SUV39H1: variants seen among roughly 807,000 people sequenced by gnomAD.
The protein encoded by SUV39H1 is histone-lysine N-methyltransferase SUV39H1.
For synonymous variants in SUV39H1, 141 were observed against 150.5 expected, an observed-to-expected ratio of 0.94 and a Z score of 0.46; for missense variants, 180 against 386.3, an observed-to-expected ratio of 0.47 and a Z score of 4.48.
rs2062470004 is a variant in SUV39H1 at position 48,700,262 on chromosome X, A to G, written c.337A>G (p.Ser113Gly). The change falls in exon 3 of 6, where the codon AGC becomes GGC. Residue 113 changes from serine (S) to glycine (G), a missense_variant. Coordinates refer to ENST00000376687, the MANE Select transcript of SUV39H1 (RefSeq NM_003173.4). Reference sequence around the variant, plus strand: ...AAAGACCCCCCGGCACCTGGACCCAAGCTTGGCCAACTACCTGGTGCAGAA... The same window carrying G: ...AAAGACCCCCCGGCACCTGGACCCAGGCTTGGCCAACTACCTGGTGCAGAA... Reference protein sequence around the residue: ...RSKTPRHLDPSLANYLVQKAK... With the variant: ...RSKTPRHLDPGLANYLVQKAK... 1 of 1,206,942 alleles carries G rather than the reference A, an allele frequency of 8.3e-7. No individual in the cohort carries two copies. Among genetic ancestry groups the G allele is most frequent in the Admixed American group, 2.2e-5 (1 of 45,636 alleles).
intron 3 of SUV39H1, 98 bp from the exon 4 acceptor site, chrX:48,706,167 G>A: frequency 1.9e-6 from 2 of 1,072,945 alleles, no homozygotes; most frequent in South Asian, 4.3e-5. Context: ...CCACGGGCAG[G>A]GGTGCCTCCT....
At chrX:48,702,320 T>C (rs1465818444) in intron 3 of SUV39H1, among the ~76,000 whole-genome samples, 4 of 111,952 alleles carry the variant, frequency 3.6e-5, no homozygotes, top group Non-Finnish European at 7.5e-5. Context: ...CTAGAGGACC[T>C]GGTGGTCTGA....
chrX:48,701,272 C>T (rs1424697760), intron 3 of SUV39H1, among the ~76,000 whole-genome samples: 5 of 112,030 alleles, frequency 4.5e-5, no homozygotes, highest in South Asian at 7.4e-4. Flanking sequence ...TGGGGAAGGC[C>T]GAGTGTATTA....
At chrX:48,696,120 G>T (rs782775192), upstream of SUV39H1, among the ~76,000 whole-genome samples, 1 of 113,135 alleles carries the variant, frequency 8.8e-6, no homozygotes, top group Non-Finnish European at 1.9e-5. Context: ...GAGAATCGCA[G>T]CTGGTCCCAG....
At chrX:48,704,555 T>C (rs1206859583) in intron 3 of SUV39H1, among the ~76,000 whole-genome samples, 1 of 111,613 alleles carries the variant, frequency 9.0e-6, no homozygotes, top group African/African-American at 3.3e-5. Flanking sequence ...AGGAAGACTG[T>C]TCTCCAGGAG....
intron 3 of SUV39H1, 189 bp downstream of exon 3, chrX:48,700,942 G>A: frequency 1.9e-6 from 1 of 532,892 alleles, no homozygotes; most frequent in South Asian, 2.5e-5. Context: ...CACCAGCATG[G>A]CCATGCTGGT....
In SUV39H1 at chrX:48,706,430, C is replaced by T. The variant is rs782817837; in HGVS notation, c.975+19C>T. ...CCACAGTGTGGGTACCCCCGGCAGG[C>T]GGGCAAGGGGTCGAGAGGGGCAGGC... On this transcript the variant is annotated intron_variant, in intron 4 of 5. Transcript: ENST00000376687. The T allele has an allele frequency of 3.5e-5, 42 of 1,204,086 alleles. No homozygotes were observed. The highest frequency in any genetic ancestry group is 1.6e-4 in the South Asian group (9 of 55,640).
intron 1 of SUV39H1, among the ~76,000 whole-genome samples, chrX:48,698,323 G>A (rs2062463069): frequency 8.9e-6 from 1 of 111,827 alleles, no homozygotes; most frequent in Non-Finnish European, 1.9e-5. Context: ...CCCTGGCCAC[G>A]CTGGGGGTGT....
chrX:48,696,662 G>T, upstream of SUV39H1: 1 of 957,606 alleles, frequency 1.0e-6, no homozygotes, highest in Non-Finnish European at 1.4e-6. Flanking sequence ...CTCTCCGGTT[G>T]GTCCGCGCGG....
intron 1 of SUV39H1, among the ~76,000 whole-genome samples, chrX:48,697,536 GA>G (rs2062460676): frequency 9.0e-6 from 1 of 111,478 alleles, no homozygotes; most frequent in Non-Finnish European, 1.9e-5. Flanking sequence ...GCAAGTGAAG[GA>G]AGGGGTTTGC....
At chrX:48,696,483 T>G, upstream of SUV39H1, 1 of 251,741 alleles carries the variant, frequency 4.0e-6, no homozygotes, top group Non-Finnish European at 7.1e-6. Flanking sequence ...GATAACGTGA[T>G]TGGCTAGCAG....
chrX:48,704,533 G>A (rs782598136), intron 3 of SUV39H1, among the ~76,000 whole-genome samples: 10 of 111,571 alleles, frequency 9.0e-5, no homozygotes, highest in Non-Finnish European at 7.6e-5. Flanking sequence ...ATCTGTTTGA[G>A]CTGATGCCAC....
upstream of SUV39H1, among the ~76,000 whole-genome samples, chrX:48,696,371 C>G (rs998990685): frequency 8.9e-6 from 1 of 112,080 alleles, no homozygotes; most frequent in African/African-American, 3.2e-5. Context: ...GGCACTAGTC[C>G]ACCTGGGAGC....
chrX:48,706,647 G>C lies in SUV39H1; in HGVS notation c.1105+20G>C. 1 of 1,187,795 alleles carries C rather than the reference G, an allele frequency of 8.4e-7. No individual in the cohort carries two copies. Among genetic ancestry groups the C allele is most frequent in the Non-Finnish European group, 1.1e-6 (1 of 880,757 alleles). On this transcript the variant is annotated intron_variant, in intron 5 of 5. Transcript: ENST00000376687. ...TGCAAGGTGGGGGTGGCAAGGGACT[G>C]GGGGCAGGGGCGCACTGTGACTTGG...
chrX:48,695,796 C>T (rs782015722), upstream of SUV39H1: 1,114 of 1,154,697 alleles, frequency 9.6e-4, no homozygotes, highest in Middle Eastern at 2.3e-3. Flanking sequence ...AGCTTCAACG[C>T]ATCAGAGGAG....
At chrX:48,706,779 A>ACTACTAGACCCCTG in intron 5 of SUV39H1, 152 bp downstream of exon 5, 1 of 699,589 alleles carries the variant, frequency 1.4e-6, no homozygotes, top group Non-Finnish European at 2.1e-6. Flanking sequence ...CCCCATTCGG[A>ACTACTAGACCCCTG]CTACTAGACC....
chrX:48,696,768 G>A lies in SUV39H1; in HGVS notation c.-17G>A. 1 of 1,140,625 alleles carries A rather than the reference G, an allele frequency of 8.8e-7. No individual in the cohort carries two copies. Among genetic ancestry groups the A allele is most frequent in the East Asian group, 3.6e-5 (1 of 27,484 alleles). 94.0% of individuals were successfully genotyped at this position (1,140,625 alleles called of 1,213,427 possible). A position where few individuals can be genotyped will look rare whatever the true frequency, so the allele number is the denominator to read the frequency against. On this transcript the variant is annotated 5_prime_UTR_variant, in exon 1 of 6. Coordinates refer to ENST00000376687, the MANE Select transcript of SUV39H1 (RefSeq NM_003173.4). ...GCGAGGCCGGCTAGGCCCGAATGTC[G>A]TTAGCCGTGGGGAAAGATGGCGGAA... is the stretch of plus-strand genomic sequence containing the variant.
intron 3 of SUV39H1, 113 bp from the exon 4 acceptor site, chrX:48,706,152 T>G (rs2062490203): frequency 1.0e-6 from 1 of 979,680 alleles, no homozygotes; most frequent in African/African-American, 1.9e-5. Flanking sequence ...ACTGCCCATG[T>G]GTGTCCACGG....
chrX:48,706,249 A>G lies in SUV39H1; in HGVS notation c.829-16A>G, dbSNP rs1557010114. 1.7e-6 allele frequency: 2 copies of G among 1,205,434 alleles called. No homozygotes were observed. The highest frequency in any genetic ancestry group is 1.8e-5 in the South Asian group (1 of 55,882). On this transcript the variant is annotated splice_polypyrimidine_tract_variant and intron_variant, in intron 3 of 5. Coordinates refer to ENST00000376687, the MANE Select transcript of SUV39H1 (RefSeq NM_003173.4). Reference sequence around the variant, plus strand: ...CTTCGCGGCCAATCTCCCCTTACCCATGGCCCTTTCCCTAGATCATTACCT... The same window carrying G: ...CTTCGCGGCCAATCTCCCCTTACCCGTGGCCCTTTCCCTAGATCATTACCT...
Sources: gnomAD v4.1 joint callset for allele counts (sites outside exome capture counted in the v4.1 genomes callset) on GRCh38, gnomAD v4.1.1 for gene constraint, MANE v1.5 for transcripts, NCBI Gene and HGNC (gene_info 2026-07-23, HGNC 2026-07-21) for gene names.